Variants in CEP95 observed in about 807,000 individuals in gnomAD.
The protein encoded by CEP95 is centrosomal protein 95.
CEP95 carries 98 observed loss-of-function variants against 111.2 expected under a neutral mutation model. The ratio of observed to expected loss-of-function variants is 0.88; its 90% CI spans 0.75 to 1.04. The LOEUF is 1.04. CEP95 is among the 50% of genes least tolerant of loss of function. The probability of loss-of-function intolerance (pLI) is 0.00; values close to 1 mark genes in which losing one functional copy is unlikely to be tolerated. For missense variants in CEP95, 1,027 were observed against 977.2 expected, an observed-to-expected ratio of 1.05 and a Z score of -0.68; for synonymous variants, 323 against 327.1, an observed-to-expected ratio of 0.99 and a Z score of 0.14.
At chr17:64,510,112 C>T in intron 2 of CEP95, 61 bp from the exon 3 acceptor site, 2 of 865,150 alleles carry the variant, frequency 2.3e-6, no homozygotes, top group East Asian at 2.6e-5. Flanking sequence ...TAGTCAGAGA[C>T]AATGAGATGA....
chr17:64,516,014 A>G (rs992549864), intron 4 of CEP95: 1 of 152,186 alleles, frequency 6.6e-6, no homozygotes, highest in South Asian at 2.1e-4. Context: ...TTAAGTAAGT[A>G]GATGTGTGTA....
chr17:64,522,637 A>T, intron 7 of CEP95, 65 bp from the exon 8 acceptor site: 1 of 1,020,202 alleles, frequency 9.8e-7, no homozygotes, highest in Non-Finnish European at 1.5e-6. Context: ...GTATGTATGT[A>T]TGTATATAAA....
rs2039033636 is a variant in CEP95 at position 64,514,270 on chromosome 17, T to C, written c.279T>C (p.Asp93=). 1.4e-6 allele frequency: 2 copies of C among 1,450,982 alleles called. No homozygotes were observed. Among genetic ancestry groups the C allele is most frequent in the Non-Finnish European group, 1.9e-6 (2 of 1,056,082 alleles). 89.9% of individuals were successfully genotyped at this position (1,450,982 alleles called of 1,614,324 possible). A position where few individuals can be genotyped will look rare whatever the true frequency, so the allele number is the denominator to read the frequency against. The part of the protein sequence containing the change: ...HITGENIVKG[D]KESIKNLLEI... ...CAGGAGAAAATATAGTGAAAGGAGA[T>C]AAAGAATCTATTAAGAATCTCCTGG... The change falls in exon 4 of 20, where the codon GAT becomes GAC. Residue 93 remains aspartate, a synonymous_variant. Coordinates refer to ENST00000556440, the MANE Select transcript of CEP95 (RefSeq NM_138363.3).
intron 2 of CEP95, among the ~76,000 whole-genome samples, chr17:64,509,891 G>GTATATCTA (rs782007926): frequency 6.6e-6 from 1 of 151,188 alleles, no homozygotes; most frequent in African/African-American, 2.4e-5. Context: ...GCATATTCAT[G>GTATATCTA]TATATCTATA....
chr17:64,508,574 C>A lies in CEP95; in HGVS notation c.20-18C>A, dbSNP rs782713538. ...CTGGTGGTTTTTAAGACTGATCTTT[C>A]CCCCTTTTTCCCAACAGAGTGGGTA... On this transcript the variant is annotated intron_variant, in intron 1 of 19. Coordinates refer to ENST00000556440, the MANE Select transcript of CEP95 (RefSeq NM_138363.3). 2 of 1,360,858 alleles carry A rather than the reference C, an allele frequency of 1.5e-6. No individual in the cohort carries two copies. The highest frequency in any genetic ancestry group is 5.7e-5 in the Admixed American group (2 of 34,814). 84.3% of individuals were successfully genotyped at this position (1,360,858 alleles called of 1,614,324 possible).
intron 1 of CEP95, chr17:64,507,570 C>CTT: frequency 9.7e-7 from 1 of 1,029,112 alleles, no homozygotes; most frequent in South Asian, 3.4e-5. Context: ...AATAGTTGTG[C>CTT]TTTTTTCTCT....
rs975348466 is a variant in CEP95 at position 64,507,109 on chromosome 17, G to A, written c.12G>A (p.Ser4=). Residue 4 remains serine, a synonymous_variant, in exon 1 of 20, where the codon TCG becomes TCA. Transcript: ENST00000556440. ...CCTGCCTCTGAAACATGGCAGGCTCGGATGCTGGTGAGTGTCTCCCTGGGG... is the reference window on the plus strand; with the variant it reads ...CCTGCCTCTGAAACATGGCAGGCTCAGATGCTGGTGAGTGTCTCCCTGGGG... The part of the protein sequence containing the change: MAG[S]DAEWVTIANN... 4 of 1,551,312 alleles carry A rather than the reference G, an allele frequency of 2.6e-6. No individual in the cohort carries two copies. Among genetic ancestry groups the A allele is most frequent in the Non-Finnish European group, 2.6e-6 (3 of 1,146,960 alleles).
chr17:64,514,107 A>G, intron 3 of CEP95, 141 bp from the exon 4 acceptor site: 1 of 439,286 alleles, frequency 2.3e-6, no homozygotes, highest in Non-Finnish European at 4.1e-6. Context: ...TTTTTTATTT[A>G]ATCTCCAAGG....
chr17:64,523,368 T>A (rs945652395), intron 8 of CEP95, among the ~76,000 whole-genome samples: 2 of 152,164 alleles, frequency 1.3e-5, no homozygotes, highest in Admixed American at 6.5e-5. Flanking sequence ...ACATTCTGGC[T>A]TCAGAGTCCA....
In CEP95 at chr17:64,527,149, G is replaced by A. The variant is rs200564391; in HGVS notation, c.1191G>A (p.Lys397=). Residue 397 remains lysine, a synonymous_variant, in exon 11 of 20, where the codon AAG becomes AAA. Transcript: ENST00000556440. Reference sequence around the variant, plus strand: ...CTCTGGGTGATCGGATTAAAGAAAAGACTGACCATAAAGAAGAAAATACTG... The same window carrying A: ...CTCTGGGTGATCGGATTAAAGAAAAAACTGACCATAAAGAAGAAAATACTG... ...KSALGDRIKE[K]TDHKEENTGN... is the part of the protein sequence containing the mutation. 62 of 1,613,398 alleles carry A rather than the reference G, an allele frequency of 3.8e-5. No individual in the cohort carries two copies. In the East Asian group the frequency reaches 1.3e-3, roughly 35 times the overall value.
At position 64,521,970 on chromosome 17, in the gene CEP95, C is replaced by T. The variant is rs143900393; in HGVS notation, c.715+443C>T. On this transcript the variant is annotated intron_variant, in intron 7 of 19. Transcript: ENST00000556440. ...CTCCTGGGTTCAAGCGATTCTCCTG[C>T]CTCAGCCTCCCAAGTAGCTGGGATT... 2.5e-3 allele frequency among the ~76,000 whole-genome samples: 386 copies of T among 152,262 alleles called. 1 individual carries two copies. Among genetic ancestry groups the T allele is most frequent in the African/African-American group, 8.8e-3 (367 of 41,540 alleles).
At chr17:64,522,405 G>A (rs1230862493) in intron 7 of CEP95, among the ~76,000 whole-genome samples, 1 of 151,798 alleles carries the variant, frequency 6.6e-6, no homozygotes, top group Non-Finnish European at 1.5e-5. Context: ...ACTTTGGGAG[G>A]CCGAGGCAGG....
chr17:64,512,200 A>G (rs1320780014), intron 3 of CEP95, among the ~76,000 whole-genome samples: 10 of 152,214 alleles, frequency 6.6e-5, no homozygotes, highest in Non-Finnish European at 1.5e-5. Context: ...TAGTGTTTGT[A>G]AAAACAAAGG....
rs1256465139 is a variant in CEP95 at position 64,508,521 on chromosome 17, AT to A, written c.20-65del. ...TTTTTGTTGGGGGGGAGGTTGTTGG[AT>A]TTTTTAAATGTCTGTGTGATTTTTT... On this transcript the variant is annotated intron_variant, in intron 1 of 19. Transcript: ENST00000556440. The A allele has an allele frequency of 4.0e-6, 5 of 1,260,608 alleles. No individual in the cohort carries two copies. In the African/African-American group the frequency reaches 4.6e-5, roughly 12 times the overall value. The allele number at this position is 1,260,608 out of a possible 1,614,324, so 78.1% of individuals were successfully genotyped here. A position where few individuals can be genotyped will look rare whatever the true frequency, so the allele number is the denominator to read the frequency against.
intron 3 of CEP95, among the ~76,000 whole-genome samples, chr17:64,511,839 C>T (rs1468452194): frequency 6.6e-6 from 1 of 152,210 alleles, no homozygotes; most frequent in Non-Finnish European, 1.5e-5. Flanking sequence ...ATTTGGGGAA[C>T]TAATAAATGT....
intron 13 of CEP95, 162 bp downstream of exon 13, chr17:64,531,180 A>T: frequency 2.3e-6 from 1 of 426,808 alleles, no homozygotes; most frequent in Non-Finnish European, 4.2e-6. Context: ...CTTATTAATA[A>T]GGCATTCAGG....
Position 64,516,710 on chromosome 17 carries a change from C to G in CEP95, c.368-13C>G. On this transcript the variant is annotated splice_polypyrimidine_tract_variant and intron_variant, in intron 4 of 19. Coordinates refer to ENST00000556440, the MANE Select transcript of CEP95 (RefSeq NM_138363.3). ...AGGGGTTTTTTGGTATTGTTTTTAT[C>G]TGTTCTGAACAGGTGAAACTGAACA... 1 of 1,527,672 alleles carries G rather than the reference C, an allele frequency of 6.5e-7. No homozygotes were observed. Among genetic ancestry groups the G allele is most frequent in the Non-Finnish European group, 9.0e-7 (1 of 1,112,484 alleles). The allele number at this position is 1,527,672 out of a possible 1,614,324, so 94.6% of individuals were successfully genotyped here.
At position 64,508,713 on chromosome 17, in the gene CEP95, G is replaced by A. The variant is rs782777182; in HGVS notation, c.141G>A (p.Lys47=). ...TTTATCAGTCTATTTTGGGAGAAAA[G>A]GTACCAGGTAAGAATACTAAAAGCA... The part of the protein sequence containing the change: ...IALYQSILGE[K]VPDLIVIPRS... Residue 47 remains lysine (K), a synonymous_variant, in exon 2 of 20, where the codon AAG becomes AAA. Coordinates refer to ENST00000556440, the MANE Select transcript of CEP95 (RefSeq NM_138363.3). The A allele has an allele frequency of 1.3e-4, 177 of 1,396,370 alleles. No homozygotes were observed. The highest frequency in any genetic ancestry group is 1.6e-4 in the Non-Finnish European group (174 of 1,064,750). 86.5% of individuals were successfully genotyped at this position (1,396,370 alleles called of 1,614,324 possible).
chr17:64,508,757 T>A, intron 2 of CEP95, 37 bp downstream of exon 2: 1 of 1,210,452 alleles, frequency 8.3e-7, no homozygotes, highest in Non-Finnish European at 1.1e-6. Context: ...TTTGCCTATA[T>A]CTTAGGCCAA....
Sources: gnomAD v4.1 joint callset for allele counts (sites outside exome capture counted in the v4.1 genomes callset) on GRCh38, gnomAD v4.1.1 for gene constraint, MANE v1.5 for transcripts, NCBI Gene and HGNC (gene_info 2026-07-23, HGNC 2026-07-21) for gene names.